The following CNTN1 variants were observed in gnomAD, a reference collection of about 807,000 sequenced individuals.
CNTN1 encodes the protein contactin-1.
CNTN1 carries 38 observed loss-of-function variants against 126.4 expected under a neutral mutation model. That is an observed-to-expected ratio of 0.30 (90% CI 0.23 to 0.39). The LOEUF (loss-of-function observed/expected upper bound fraction) is 0.39, where lower values mean the gene tolerates loss of function less well. CNTN1 is among the 10% of genes least tolerant of loss of function. CNTN1 has a pLI of 1.00. For synonymous variants in CNTN1, 413 were observed against 422.6 expected (o/e 0.98, Z 0.28); for missense variants, 1,009 against 1,248.4 (o/e 0.81, Z 2.89).
intron 14 of CNTN1, among the ~76,000 whole-genome samples, chr12:40,947,764 C>CATATATATATATAT (rs34815270): frequency 1.8e-4 from 12 of 68,306 alleles, no homozygotes; most frequent in African/African-American, 7.1e-4. Context: ...GTCACTATTT[C>CATATATATATATAT]ATATATATAT....
chr12:40,886,206 C>T lies in CNTN1; in HGVS notation c.-76-22151C>T, dbSNP rs180791855. ...TTTGCTTCATTTTGAACTATATTTGCCTAAGCTCCAAAACAGTGCTAAATT... is the reference window on the plus strand; with the variant it reads ...TTTGCTTCATTTTGAACTATATTTGTCTAAGCTCCAAAACAGTGCTAAATT... On this transcript the variant is annotated intron_variant, in intron 1 of 23. Coordinates refer to ENST00000551295, the MANE Select transcript of CNTN1 (RefSeq NM_001843.4). 6.7e-4 allele frequency among the ~76,000 whole-genome samples: 102 copies of T among 151,962 alleles called. 2 individuals carry two copies. Among genetic ancestry groups the T allele is most frequent in the African/African-American group, 2.2e-3 (93 of 41,440 alleles).
At chr12:40,718,647 C>T (rs1452035457) in intron 1 of CNTN1, among the ~76,000 whole-genome samples, 1 of 152,178 alleles carries the variant, frequency 6.6e-6, no homozygotes, top group Non-Finnish European at 1.5e-5. Flanking sequence ...CATCATGTTG[C>T]AGCAGTACAA....
chr12:40,711,492 A>G (rs1407060868), intron 1 of CNTN1, among the ~76,000 whole-genome samples: 1 of 151,806 alleles, frequency 6.6e-6, no homozygotes, highest in Non-Finnish European at 1.5e-5. Context: ...CCTAAACCTT[A>G]CCCTCTCTAT....
At chr12:40,709,869 G>C (rs928903144) in intron 1 of CNTN1, among the ~76,000 whole-genome samples, 1 of 152,134 alleles carries the variant, frequency 6.6e-6, no homozygotes, top group Non-Finnish European at 1.5e-5. Flanking sequence ...TTCTATCAAG[G>C]CTACTCAAAC....
At chr12:40,866,188 A>G (rs956442373) in intron 1 of CNTN1, among the ~76,000 whole-genome samples, 32 of 152,208 alleles carry the variant, frequency 2.1e-4, no homozygotes, top group African/African-American at 7.7e-4. Context: ...TGCTGAATTC[A>G]TTTATTAGCC....
chr12:41,065,915 T>A (rs758030789), intron 23 of CNTN1, among the ~76,000 whole-genome samples: 11 of 152,240 alleles, frequency 7.2e-5, no homozygotes, highest in Admixed American at 5.2e-4. Flanking sequence ...CATAGGGATG[T>A]TTTTACTCTT....
intron 1 of CNTN1, among the ~76,000 whole-genome samples, chr12:40,704,693 G>C (rs1941693716): frequency 6.6e-6 from 1 of 152,112 alleles, no homozygotes; most frequent in African/African-American, 2.4e-5. Context: ...ATAAGAAATA[G>C]TCATTTACAA....
chr12:40,865,531 G>A (rs771231066), intron 1 of CNTN1, among the ~76,000 whole-genome samples: 28 of 152,132 alleles, frequency 1.8e-4, no homozygotes, highest in Non-Finnish European at 2.9e-4. Flanking sequence ...ATGGTGTGAA[G>A]TAGGGGTCCA....
intron 1 of CNTN1, among the ~76,000 whole-genome samples, chr12:40,777,031 G>A (rs1460845500): frequency 6.6e-6 from 1 of 151,294 alleles, no homozygotes; most frequent in Non-Finnish European, 1.5e-5. Flanking sequence ...TATAAAAATG[G>A]CATCCCAAAC....
At chr12:40,958,359 G>GTC (rs1057368094) in intron 14 of CNTN1, among the ~76,000 whole-genome samples, 4 of 149,132 alleles carry the variant, frequency 2.7e-5, no homozygotes, top group African/African-American at 9.8e-5. Flanking sequence ...ATATGTGTGT[G>GTC]TGTGTGTGTG....
chr12:40,800,609 A>C (rs915371989), intron 1 of CNTN1, among the ~76,000 whole-genome samples: 1 of 152,002 alleles, frequency 6.6e-6, no homozygotes, highest in Non-Finnish European at 1.5e-5. Context: ...TGACGGCTTA[A>C]TCATTGAGAG....
intron 1 of CNTN1, among the ~76,000 whole-genome samples, chr12:40,856,699 A>G (rs1428755790): frequency 1.3e-5 from 2 of 152,170 alleles, no homozygotes; most frequent in Non-Finnish European, 1.5e-5. Context: ...ATGTATGTGT[A>G]GTAGTAAGGA....
In CNTN1 at chr12:40,836,425, A is replaced by T. The variant is rs533433559; in HGVS notation, c.-76-71932A>T. The stretch of plus-strand genomic sequence containing the variant: ...TTGAGGTTAGGGAACACACTAATTT[A>T]TTAATTAGTAAATATTTATTAAGCC... On this transcript the variant is annotated intron_variant, in intron 1 of 23. Coordinates refer to ENST00000551295, the MANE Select transcript of CNTN1 (RefSeq NM_001843.4). 3.3e-3 allele frequency among the ~76,000 whole-genome samples: 496 copies of T among 151,878 alleles called. 3 individuals carry two copies. Among genetic ancestry groups the T allele is most frequent in the African/African-American group, 0.011 (467 of 41,504 alleles).
At chr12:40,883,742 G>A (rs1322644566) in intron 1 of CNTN1, among the ~76,000 whole-genome samples, 2 of 151,484 alleles carry the variant, frequency 1.3e-5, no homozygotes, top group Non-Finnish European at 3.0e-5. Flanking sequence ...ACTTGTTACA[G>A]GCTTATTTAA....
chr12:40,722,770 G>A (rs1362483336), intron 1 of CNTN1, among the ~76,000 whole-genome samples: 2 of 152,038 alleles, frequency 1.3e-5, no homozygotes, highest in East Asian at 1.9e-4. Flanking sequence ...TTTACTAAGT[G>A]TATTTGAATT....
chr12:40,809,073 C>T (rs73114731), intron 1 of CNTN1, among the ~76,000 whole-genome samples: 3,467 of 152,196 alleles, frequency 0.023, 127 homozygotes, highest in African/African-American at 0.078. Context: ...AATTTTATTA[C>T]CTACTTTAAA....
intron 23 of CNTN1, among the ~76,000 whole-genome samples, chr12:41,051,528 TTAAAAA>T (rs1243898818): frequency 6.6e-6 from 1 of 151,790 alleles, no homozygotes; most frequent in Non-Finnish European, 1.5e-5. Flanking sequence ...CTGAGGGCAA[TTAAAAA>T]TAAAGTAGAG....
intron 1 of CNTN1, among the ~76,000 whole-genome samples, chr12:40,876,153 AC>A (rs1451980286): frequency 2.6e-5 from 4 of 151,388 alleles, no homozygotes; most frequent in African/African-American, 9.7e-5. Context: ...AAAAAAAAAA[AC>A]CCAGAAAACA....
chr12:40,927,172 G>T (rs1467220804), intron 6 of CNTN1, among the ~76,000 whole-genome samples: 1 of 152,086 alleles, frequency 6.6e-6, no homozygotes, highest in African/African-American at 2.4e-5. Context: ...CATTTCTTAA[G>T]TATGTGCTGG....
Sources: gnomAD v4.1 joint callset for allele counts (sites outside exome capture counted in the v4.1 genomes callset) on GRCh38, gnomAD v4.1.1 for gene constraint, MANE v1.5 for transcripts, NCBI Gene and HGNC (gene_info 2026-07-23, HGNC 2026-07-21) for gene names.